Variants in CAMKK2 observed in about 807,000 individuals in gnomAD.
CAMKK2 encodes the protein calcium/calmodulin-dependent protein kinase kinase 2.
Under a neutral mutation model 67.2 loss-of-function variants are expected in CAMKK2, and 30 were observed. The observed-to-expected ratio is 0.45, with a 90% CI of 0.33 to 0.61. CAMKK2 has a LOEUF of 0.61. Ranked by LOEUF, CAMKK2 falls within the 20% of genes least tolerant of loss-of-function variation. The pLI, the probability that CAMKK2 is intolerant of heterozygous loss-of-function variation, is 0.02. For synonymous variants in CAMKK2, 322 were observed against 326.2 expected (o/e 0.99, Z 0.14); for missense variants, 643 against 802.0 (o/e 0.80, Z 2.39).
chr12:121,284,000 C>A lies in CAMKK2; in HGVS notation c.-59-9415G>T, dbSNP rs147775087. 4.6e-4 allele frequency among the ~76,000 whole-genome samples: 70 copies of A among 152,376 alleles called. 1 individual carries two copies. In the East Asian group the frequency reaches 0.011, roughly 25 times the overall value. On this transcript the variant is annotated intron_variant, in intron 1 of 16. Transcript: ENST00000404169. ...TCTGGGCAGGGGACACACTCACCAGCACGCCACAGTCCTCACCACTTCCCA... is the reference window on the plus strand; with the variant it reads ...TCTGGGCAGGGGACACACTCACCAGAACGCCACAGTCCTCACCACTTCCCA...
rs1888164890 is a variant in CAMKK2 at position 121,240,559 on chromosome 12, G to C, written c.*140C>G. On this transcript the variant is annotated 3_prime_UTR_variant, in exon 17 of 17. Transcript: ENST00000404169. The surrounding 1 kb of genome is among the most constrained non-coding windows in gnomAD (Gnocchi z 4.4). ...TTTTGTCCCCTTTAAAACAACAAAG[G>C]AAAAAACAAATAACCAGAGATGACG... 6.5e-7 allele frequency: 1 copy of C among 1,529,412 alleles called. No homozygotes were observed. Among genetic ancestry groups the C allele is most frequent in the Non-Finnish European group, 8.7e-7 (1 of 1,145,360 alleles). 94.7% of individuals were successfully genotyped at this position (1,529,412 alleles called of 1,614,324 possible).
At chr12:121,244,150 G>C in intron 16 of CAMKK2, 2 of 1,609,120 alleles carry the variant, frequency 1.2e-6, no homozygotes, top group Non-Finnish European at 1.7e-6. Context: ...CAAAGAAAGA[G>C]AAGTGGAGGC....
chr12:121,243,757 G>T, intron 16 of CAMKK2: 1 of 655,646 alleles, frequency 1.5e-6, no homozygotes. Flanking sequence ...GCAGAAGTCT[G>T]TATTAGAAAC....
chr12:121,296,638 C>A lies in CAMKK2; in HGVS notation c.-60G>T. 1 of 151,658 alleles carries A rather than the reference C, an allele frequency of 6.6e-6. No individual in the cohort carries two copies. The highest frequency in any genetic ancestry group is 2.1e-4 in the South Asian group (1 of 4,838). The allele number at this position is 151,658 out of a possible 1,614,324, so 9.4% of individuals were successfully genotyped here. A position where few individuals can be genotyped will look rare whatever the true frequency, so the allele number is the denominator to read the frequency against. On this transcript the variant is annotated splice_region_variant and 5_prime_UTR_variant, in exon 1 of 17. It adds an upstream start codon to the 5' untranslated region. Coordinates refer to ENST00000404169, the MANE Select transcript of CAMKK2 (RefSeq NM_001270485.2). This position sits in a 1 kb window ranked among gnomAD's most constrained non-coding sequence, Gnocchi z 7.1. ...CCGGGCCCGGCTACCGCCAGCTCAC[C>A]TGGGCTCCGCGCCGCCGCCGCCTCC...
Position 121,240,994 on chromosome 12 carries a change from T to TACG in CAMKK2, c.1597-128_1597-126dup. On this transcript the variant is annotated intron_variant, in intron 16 of 16. Transcript: ENST00000404169. This position sits in a 1 kb window ranked among gnomAD's most constrained non-coding sequence, Gnocchi z 4.4. ...GTCGCGCACCCCCTGGAACGTGATC[T>TACG]ACGTAACCCAGTCTTTGAGATCCTC... 1 of 886,526 alleles carries TACG rather than the reference T, an allele frequency of 1.1e-6. No individual in the cohort carries two copies. Among genetic ancestry groups the TACG allele is most frequent in the Non-Finnish European group, 1.7e-6 (1 of 576,928 alleles). 54.9% of individuals were successfully genotyped at this position (886,526 alleles called of 1,614,324 possible). A position where few individuals can be genotyped will look rare whatever the true frequency, so the allele number is the denominator to read the frequency against.
chr12:121,260,534 C>G (rs1893236734), intron 6 of CAMKK2, 179 bp from the exon 7 acceptor site: 1 of 613,110 alleles, frequency 1.6e-6, no homozygotes, highest in East Asian at 3.0e-5. Context: ...AGTGTGAGAT[C>G]CTAATGGCTA....
chr12:121,274,162 ATGCAGCGTCCGTTCATGTCCAGGC>A lies in CAMKK2; in HGVS notation c.341_364del (p.Ser114_Cys121del), dbSNP rs1486714923. The A allele has an allele frequency of 1.9e-6, 3 of 1,596,698 alleles. No individual in the cohort carries two copies. Among genetic ancestry groups the A allele is most frequent in the Non-Finnish European group, 2.6e-6 (3 of 1,169,978 alleles). On this transcript the variant is annotated inframe_deletion, in exon 2 of 17. Transcript: ENST00000404169. ...GGGTGAGTAGGGCAGGGACGGGCAG[ATGCAGCGTCCGTTCATGTCCAGGC>A]TGCCACCGGCTGCCAGCCCACCCTG...
In CAMKK2 at chr12:121,244,616, C is replaced by T; in HGVS notation, c.1554-1G>A. 1 of 1,562,474 alleles carries T rather than the reference C, an allele frequency of 6.4e-7. No homozygotes were observed. The highest frequency in any genetic ancestry group is 8.7e-7 in the Non-Finnish European group (1 of 1,152,876). ...CTCACATTCCCTGGTTGGTTTTTTG[C>T]TGGAATCACCAGAGGGAGGGAAAAG... On this transcript the variant is annotated splice_acceptor_variant, in intron 15 of 16. Coordinates refer to ENST00000404169, the MANE Select transcript of CAMKK2 (RefSeq NM_001270485.2). LOFTEE classifies it high-confidence loss of function.
chr12:121,240,968 CG>C lies in CAMKK2; in HGVS notation c.1597-100del. 1.7e-6 allele frequency: 2 copies of C among 1,158,196 alleles called. No homozygotes were observed. Among genetic ancestry groups the C allele is most frequent in the Non-Finnish European group, 2.5e-6 (2 of 802,256 alleles). The allele number at this position is 1,158,196 out of a possible 1,614,324, so 71.7% of individuals were successfully genotyped here. On this transcript the variant is annotated intron_variant, in intron 16 of 16. Transcript: ENST00000404169. This position sits in a 1 kb window ranked among gnomAD's most constrained non-coding sequence, Gnocchi z 4.4. ...ATCTGGGCCCCCTGCCCAAGTGGGC[CG>C]TCGCGCACCCCCTGGAACGTGATCT...
intron 5 of CAMKK2, among the ~76,000 whole-genome samples, chr12:121,264,725 G>C (rs980919885): frequency 2.6e-5 from 4 of 151,858 alleles, no homozygotes; most frequent in Admixed American, 1.3e-4. Context: ...AGTGAGCCAA[G>C]ATAGCGCCAC....
intron 5 of CAMKK2, among the ~76,000 whole-genome samples, chr12:121,267,132 T>C (rs1451807210): frequency 2.2e-5 from 3 of 133,572 alleles, no homozygotes; most frequent in Admixed American, 8.1e-5. Flanking sequence ...TTTTGAGAGA[T>C]GGAGTCTCAG....
rs1889152586 is a variant in CAMKK2, at chr12:121,245,042, C to T, written c.1553+98G>A. 1 of 834,626 alleles carries T rather than the reference C, an allele frequency of 1.2e-6. No homozygotes were observed. Among genetic ancestry groups the T allele is most frequent in the Admixed American group, 2.1e-5 (1 of 46,716 alleles). The allele number at this position is 834,626 out of a possible 1,614,324, so 51.7% of individuals were successfully genotyped here. ...ATCTGAGTCTCTCCAGATGGCACCA[C>T]TTCAGGGAGGACCTGTGCAGAGTGG... On this transcript the variant is annotated intron_variant, in intron 15 of 16. Coordinates refer to ENST00000404169, the MANE Select transcript of CAMKK2 (RefSeq NM_001270485.2). This position sits in a 1 kb window ranked among gnomAD's most constrained non-coding sequence, Gnocchi z 5.8.
chr12:121,279,810 C>T (rs934367207), intron 1 of CAMKK2, among the ~76,000 whole-genome samples: 5 of 152,194 alleles, frequency 3.3e-5, no homozygotes, highest in African/African-American at 9.6e-5. Flanking sequence ...CAGATGGACC[C>T]GGGACCCGGG....
At chr12:121,269,925 C>G in intron 3 of CAMKK2, 1 of 195,482 alleles carries the variant, frequency 5.1e-6, no homozygotes, top group Non-Finnish European at 1.1e-5. Flanking sequence ...TAGCAGGCAC[C>G]TGTAATCCCA....
chr12:121,287,123 C>G (rs930209471), intron 1 of CAMKK2, among the ~76,000 whole-genome samples: 4 of 152,064 alleles, frequency 2.6e-5, no homozygotes, highest in African/African-American at 9.7e-5. Context: ...CCAGGCTGTT[C>G]TCAAACTCCT....
intron 5 of CAMKK2, among the ~76,000 whole-genome samples, chr12:121,267,273 G>A (rs1038487157): frequency 3.4e-5 from 5 of 148,796 alleles, no homozygotes; most frequent in East Asian, 4.0e-4. Context: ...CACCATGCCT[G>A]GCTAATTTTT....
intron 13 of CAMKK2, among the ~76,000 whole-genome samples, chr12:121,249,317 G>A (rs962480282): frequency 2.1e-4 from 32 of 152,228 alleles, no homozygotes; most frequent in Non-Finnish European, 1.5e-5. Context: ...ATATATGTGT[G>A]TGGCATTAGT....
In CAMKK2 at chr12:121,245,687, C is replaced by A. The variant is rs1000770636; in HGVS notation, c.1453-447G>T. On this transcript the variant is annotated intron_variant, in intron 14 of 16. Transcript: ENST00000404169. This position sits in a 1 kb window ranked among gnomAD's most constrained non-coding sequence, Gnocchi z 5.8. Reference sequence around the variant, plus strand: ...CTGCCATTTCCCATGAAGGGAATGGCCTGAGGGCCCCATAAGAGTCACTGG... The same window carrying A: ...CTGCCATTTCCCATGAAGGGAATGGACTGAGGGCCCCATAAGAGTCACTGG... Among the ~76,000 whole-genome samples the A allele has an allele frequency of 6.6e-6, 1 of 152,218 alleles. No individual in the cohort carries two copies. The highest frequency in any genetic ancestry group is 1.5e-5 in the Non-Finnish European group (1 of 68,032).
chr12:121,271,627 C>T (rs75412871), intron 2 of CAMKK2, among the ~76,000 whole-genome samples: 5,338 of 152,270 alleles, frequency 0.035, 139 homozygotes, highest in South Asian at 0.082. Flanking sequence ...TTGGGGTAGA[C>T]AAGGGTTTCT....
Sources: allele counts gnomAD v4.1 joint callset (sites outside exome capture counted in the v4.1 genomes callset), GRCh38; gene constraint gnomAD v4.1.1; non-coding constraint Gnocchi (gnomAD v3.1); transcripts MANE v1.5; gene names NCBI Gene and HGNC (gene_info 2026-07-23, HGNC 2026-07-21).